The following DENND1A variants were observed in gnomAD, a reference collection of about 807,000 sequenced individuals.
DENND1A encodes the protein DENN domain-containing protein 1A.
A neutral mutation model predicts 113.7 loss-of-function variants in DENND1A; 51 were observed. The ratio of observed to expected loss-of-function variants is 0.45; its 90% CI spans 0.36 to 0.57. DENND1A has a LOEUF of 0.57. DENND1A is among the 20% of genes least tolerant of loss of function. The probability of loss-of-function intolerance (pLI) is 0.00; values close to 1 mark genes in which losing one functional copy is unlikely to be tolerated. For synonymous variants in DENND1A, 565 were observed against 570.8 expected, an observed-to-expected ratio of 0.99 and a Z score of 0.14; for missense variants, 1,258 against 1,395.9, an observed-to-expected ratio of 0.90 and a Z score of 1.57.
intron 1 of DENND1A, among the ~76,000 whole-genome samples, chr9:123,922,194 A>G (rs553100836): frequency 1.5e-4 from 23 of 152,258 alleles, no homozygotes; most frequent in African/African-American, 4.8e-4. Context: ...TTGGCCTCCC[A>G]AAGTGCTGGC....
At chr9:123,830,417 G>A (rs931683616) in intron 2 of DENND1A, among the ~76,000 whole-genome samples, 9 of 151,090 alleles carry the variant, frequency 6.0e-5, no homozygotes, top group South Asian at 2.1e-4. Context: ...TGTTAATTAC[G>A]CAGGTGTATA....
intron 19 of DENND1A, among the ~76,000 whole-genome samples, chr9:123,432,040 C>T (rs2046170684): frequency 6.6e-6 from 1 of 152,170 alleles, no homozygotes; most frequent in African/African-American, 2.4e-5. Flanking sequence ...CTCAGTTCTT[C>T]CATGGTACAT....
chr9:123,597,229 A>G (rs2059736005), intron 11 of DENND1A, among the ~76,000 whole-genome samples: 1 of 152,220 alleles, frequency 6.6e-6, no homozygotes, highest in Non-Finnish European at 1.5e-5. Flanking sequence ...CCAATTTAAC[A>G]AGCACGCTGA....
intron 13 of DENND1A, among the ~76,000 whole-genome samples, chr9:123,470,527 G>A (rs1248753452): frequency 3.9e-5 from 6 of 152,174 alleles, no homozygotes; most frequent in Admixed American, 6.5e-5. Context: ...GAGAGGACAC[G>A]TGTCAGGGAC....
chr9:123,920,017 G>A (rs1440733067), intron 1 of DENND1A, among the ~76,000 whole-genome samples: 5 of 152,090 alleles, frequency 3.3e-5, no homozygotes, highest in Admixed American at 1.3e-4. Context: ...TAAATTAAGT[G>A]TTGAAACTGG....
At chr9:123,629,059 G>T (rs1005929588) in intron 10 of DENND1A, among the ~76,000 whole-genome samples, 2 of 152,196 alleles carry the variant, frequency 1.3e-5, no homozygotes, top group Non-Finnish European at 2.9e-5. Flanking sequence ...TTCCAATTAG[G>T]AGTGACTGTG....
At chr9:123,482,312 G>T (rs2050410009) in intron 13 of DENND1A, among the ~76,000 whole-genome samples, 1 of 152,188 alleles carries the variant, frequency 6.6e-6, no homozygotes, top group Non-Finnish European at 1.5e-5. Context: ...TGGCCAGGCT[G>T]GTCTTGAACT....
In DENND1A at chr9:123,879,553, T is replaced by TACACACACACACACACAC. The variant is rs138124573; in HGVS notation, c.18-550_18-533dup. Among the ~76,000 whole-genome samples the TACACACACACACACACAC allele has an allele frequency of 1.2e-3, 180 of 150,102 alleles. 1 individual carries two copies. The highest frequency in any genetic ancestry group is 6.8e-4 in the Non-Finnish European group (46 of 67,414). On this transcript the variant is annotated intron_variant, in intron 1 of 23. Coordinates refer to ENST00000394215, the MANE Select transcript of DENND1A (RefSeq NM_001352964.2). ...GTCTCAAAAATGAATAATAAAATTA[T>TACACACACACACACACAC]ACACACACACACACACACACAAATT... is the stretch of plus-strand genomic sequence containing the variant.
At chr9:123,768,650 A>C (rs896370109) in intron 4 of DENND1A, among the ~76,000 whole-genome samples, 6 of 152,196 alleles carry the variant, frequency 3.9e-5, no homozygotes, top group Non-Finnish European at 8.8e-5. Flanking sequence ...ATTTCCATTA[A>C]GAGAAAACTG....
chr9:123,456,681 G>A (rs1055953671), intron 15 of DENND1A, among the ~76,000 whole-genome samples: 3 of 152,154 alleles, frequency 2.0e-5, no homozygotes, highest in Middle Eastern at 6.3e-3. Context: ...GTGGTGACAC[G>A]TGCCTGTAAT....
At chr9:123,779,582 C>T (rs117922007) in intron 3 of DENND1A, among the ~76,000 whole-genome samples, 195 of 152,306 alleles carry the variant, frequency 1.3e-3, no homozygotes, top group Non-Finnish European at 1.9e-3. Context: ...TCACTGCAAT[C>T]TCTGCCTCCT....
At chr9:123,512,422 G>C (rs2053535094) in intron 13 of DENND1A, among the ~76,000 whole-genome samples, 1 of 152,206 alleles carries the variant, frequency 6.6e-6, no homozygotes, top group Non-Finnish European at 1.5e-5. Context: ...TGAAAGCTCC[G>C]AGGCCTCTAT....
intron 19 of DENND1A, among the ~76,000 whole-genome samples, chr9:123,419,465 G>A (rs1424721666): frequency 6.6e-6 from 1 of 152,276 alleles, no homozygotes; most frequent in African/African-American, 2.4e-5. Flanking sequence ...TGGAGATGGG[G>A]AAGAGAGCAA....
intron 2 of DENND1A, among the ~76,000 whole-genome samples, chr9:123,862,014 C>G (rs1359084611): frequency 6.6e-6 from 1 of 152,184 alleles, no homozygotes; most frequent in East Asian, 1.9e-4. Flanking sequence ...CAGGCTCTTT[C>G]AGCAAAAGCA....
chr9:123,813,016 T>C (rs1301026922), intron 2 of DENND1A, among the ~76,000 whole-genome samples: 1 of 152,156 alleles, frequency 6.6e-6, no homozygotes, highest in African/African-American at 2.4e-5. Flanking sequence ...AGTGGCATGA[T>C]CATGGCTCAC....
chr9:123,455,619 G>GC (rs2048058811), intron 15 of DENND1A, among the ~76,000 whole-genome samples: 1 of 152,196 alleles, frequency 6.6e-6, no homozygotes, highest in Admixed American at 6.5e-5. Context: ...ACTGTGAGGG[G>GC]CACCAGAACA....
At chr9:123,535,792 G>A (rs774308706) in intron 13 of DENND1A, among the ~76,000 whole-genome samples, 11 of 152,118 alleles carry the variant, frequency 7.2e-5, no homozygotes, top group Middle Eastern at 3.2e-3. Context: ...TTCATGGCAC[G>A]CATCACTATC....
chr9:123,541,719 T>C (rs1459278761), intron 13 of DENND1A, among the ~76,000 whole-genome samples: 1 of 152,188 alleles, frequency 6.6e-6, no homozygotes. Flanking sequence ...GCTGGTGAAT[T>C]GGGCATTCAC....
intron 13 of DENND1A, among the ~76,000 whole-genome samples, chr9:123,499,158 C>T (rs974548785): frequency 1.6e-4 from 25 of 152,028 alleles, no homozygotes; most frequent in Non-Finnish European, 3.2e-4. Context: ...CTCAGCCTCC[C>T]GAGTAGCTGG....
Sources: gnomAD v4.1 joint callset for allele counts (sites outside exome capture counted in the v4.1 genomes callset) on GRCh38, gnomAD v4.1.1 for gene constraint, MANE v1.5 for transcripts, NCBI Gene and HGNC (gene_info 2026-07-23, HGNC 2026-07-21) for gene names.